Variants in ZNF7 observed in about 807,000 individuals in gnomAD.
ZNF7 encodes zinc finger protein 7.
In ZNF7, 10 loss-of-function variants were observed where a neutral mutation model predicts 12.0. The ratio of observed to expected loss-of-function variants is 0.83; its 90% CI spans 0.51 to 1.42. The LOEUF is 1.42. ZNF7 is among the 40% of genes most tolerant of loss of function. ZNF7 has a pLI of 0.00. For synonymous variants in ZNF7, 334 were observed against 295.0 expected (o/e 1.13, Z -1.35); for missense variants, 854 against 837.2 (o/e 1.02, Z -0.25).
downstream of ZNF7, chr8:144,846,035 G>A (rs1830495556): frequency 2.0e-6 from 3 of 1,536,536 alleles, no homozygotes; most frequent in Non-Finnish European, 2.6e-6. Flanking sequence ...TGCACCGCCT[G>A]CAACTCCTGT....
rs746333753 is a variant in ZNF7, at chr8:144,842,841, G to A, written c.1734G>A (p.Val578=). 12 of 1,614,106 alleles carry A rather than the reference G, an allele frequency of 7.4e-6. No homozygotes were observed. The African/African-American group carries it at 8.0e-5, about 11-fold the overall frequency. ...LFQHQIIHAG[V]KPYECSECGK... is the part of the protein sequence containing the mutation. ...AACACCAGATAATTCATGCAGGGGT[G>A]AAGCCCTATGAGTGCAGTGAGTGTG... Residue 578 remains valine (V), a synonymous_variant, in exon 5 of 5, where the codon GTG becomes GTA. Coordinates refer to ENST00000532777, the MANE Select transcript of ZNF7 (RefSeq NM_003416.4).
At chr8:144,844,894 G>A (rs975882512), downstream of ZNF7, among the ~76,000 whole-genome samples, 1 of 151,670 alleles carries the variant, frequency 6.6e-6, no homozygotes, top group Admixed American at 6.6e-5. Flanking sequence ...GGTGGAGAGG[G>A]AGTGGGGAAA....
downstream of ZNF7, among the ~76,000 whole-genome samples, chr8:144,843,975 C>T (rs916352573): frequency 6.6e-6 from 1 of 152,178 alleles, no homozygotes; most frequent in Non-Finnish European, 1.5e-5. Context: ...TCCCCTTCCT[C>T]AGAGAGGCAG....
intron 3 of ZNF7, among the ~76,000 whole-genome samples, chr8:144,830,409 T>G (rs1828305039): frequency 6.6e-6 from 1 of 152,218 alleles, no homozygotes; most frequent in Non-Finnish European, 1.5e-5. Context: ...CTGCTGAGCT[T>G]GAGCCTATTT....
intron 3 of ZNF7, chr8:144,830,876 G>T (rs1319288573): frequency 2.2e-6 from 1 of 456,828 alleles, no homozygotes; most frequent in African/African-American, 2.0e-5. Flanking sequence ...TGGGATTACA[G>T]GTGTGAGCCA....
At chr8:144,829,363 C>T in intron 2 of ZNF7, 115 bp from the exon 3 acceptor site, 1 of 1,563,450 alleles carries the variant, frequency 6.4e-7, no homozygotes, top group South Asian at 1.2e-5. Context: ...CAGAGGAGTC[C>T]TGGTGAGCGT....
intron 3 of ZNF7, 183 bp downstream of exon 3, chr8:144,829,787 G>A: frequency 1.5e-6 from 1 of 675,844 alleles, no homozygotes; most frequent in Non-Finnish European, 2.2e-6. Context: ...ATGGGGTTCA[G>A]CCCCCAGGGA....
At chr8:144,845,328 C>T (rs1830452003), downstream of ZNF7, among the ~76,000 whole-genome samples, 1 of 152,002 alleles carries the variant, frequency 6.6e-6, no homozygotes, top group African/African-American at 2.4e-5. Context: ...CTGAGAAACT[C>T]GGAGGTGAGG....
At chr8:144,829,843 C>G in intron 3 of ZNF7, 1 of 389,118 alleles carries the variant, frequency 2.6e-6, no homozygotes. Flanking sequence ...TTTTCCTAAG[C>G]TGTTAAATTG....
intron 3 of ZNF7, chr8:144,829,848 A>C (rs1164052799): frequency 2.7e-6 from 1 of 369,920 alleles, no homozygotes; most frequent in Non-Finnish European, 4.8e-6. Context: ...CTAAGCTGTT[A>C]AATTGTGAGA....
In ZNF7 at chr8:144,841,381, C is replaced by A. The variant is rs748927331; in HGVS notation, c.274C>A (p.Gln92Lys). Residue 92 changes from glutamine (Q) to lysine (K), a missense_variant, in exon 5 of 5, where the codon CAG becomes AAG. Gln to Lys is a moderately conservative substitution (Grantham distance 53). Transcript: ENST00000532777. The stretch of plus-strand genomic sequence containing the variant: ...TTCTACGATTAGGACTGAAAATGAG[C>A]AGGCCTGTGAGGACATGGACATCCT... ...TDSTIRTENE[Q>K]ACEDMDILKS... 1.9e-6 allele frequency: 3 copies of A among 1,607,226 alleles called. No homozygotes were observed. The highest frequency in any genetic ancestry group is 2.6e-6 in the Non-Finnish European group (3 of 1,174,628).
chr8:144,830,687 C>T (rs1422709317), intron 3 of ZNF7, among the ~76,000 whole-genome samples: 1 of 150,686 alleles, frequency 6.6e-6, no homozygotes, highest in Non-Finnish European at 1.5e-5. Context: ...GTGGTTTACC[C>T]TGTCTCACTG....
At chr8:144,838,277 G>C (rs1219377992) in intron 4 of ZNF7, 16 of 600,492 alleles carry the variant, frequency 2.7e-5, no homozygotes, top group Non-Finnish European at 4.5e-5. Context: ...GTGACCTCAT[G>C]GTGACTAATT....
At chr8:144,835,987 T>C (rs1482263974) in intron 3 of ZNF7, 1 of 152,268 alleles carries the variant, frequency 6.6e-6, no homozygotes, top group Non-Finnish European at 1.5e-5. Context: ...CATTCTCAAC[T>C]TCTTGAACTT....
chr8:144,829,676 G>A (rs1828208276), intron 3 of ZNF7, 72 bp downstream of exon 3: 3 of 1,537,192 alleles, frequency 2.0e-6, no homozygotes, highest in South Asian at 1.2e-5. Flanking sequence ...CTCCATCAGA[G>A]GCTGGGGTAT....
rs561933525 is a variant in ZNF7, at chr8:144,832,089, T to C, written c.130+2485T>C. On this transcript the variant is annotated intron_variant, in intron 3 of 4. Transcript: ENST00000532777. ...AGATTTTAATGTAATTACTGTGTTT[T>C]TGCCTTATGGATTGTCTCTTTGAAG... Among the ~76,000 whole-genome samples the C allele has an allele frequency of 2.6e-4, 27 of 102,390 alleles. 6 individuals carry two copies. The highest frequency in any genetic ancestry group is 6.8e-4 in the African/African-American group (24 of 35,064). The allele number at this position is 102,390 out of a possible 152,430, so 67.2% of individuals were successfully genotyped here.
Position 144,842,772 on chromosome 8 carries a change from T to C in ZNF7, c.1665T>C (p.Cys555=), listed in dbSNP as rs752923585. 2 of 1,614,194 alleles carry C rather than the reference T, an allele frequency of 1.2e-6. No individual in the cohort carries two copies. The highest frequency in any genetic ancestry group is 1.1e-5 in the South Asian group (1 of 91,084). The change falls in exon 5 of 5, where the codon TGT becomes TGC. Residue 555 remains cysteine (C), a synonymous_variant. Coordinates refer to ENST00000532777, the MANE Select transcript of ZNF7 (RefSeq NM_003416.4). The part of the protein sequence containing the change: ...RVHTGERPYK[C]NECGKAFSQN... ...ACACTGGAGAGAGGCCCTATAAATG[T>C]AATGAATGTGGGAAAGCCTTCAGTC...
chr8:144,844,720 A>C (rs1340888882), downstream of ZNF7, among the ~76,000 whole-genome samples: 5 of 56,940 alleles, frequency 8.8e-5, no homozygotes, highest in Admixed American at 8.1e-4. Context: ...AAAAAAAAAA[A>C]AAAAAAAAAA....
intron 1 of ZNF7, among the ~76,000 whole-genome samples, chr8:144,828,358 T>C (rs1472505667): frequency 6.6e-6 from 1 of 152,184 alleles, no homozygotes; most frequent in East Asian, 1.9e-4. Flanking sequence ...TTTATGTACT[T>C]GAGGGCAGGG....
Sources: allele counts gnomAD v4.1 joint callset (sites outside exome capture counted in the v4.1 genomes callset), GRCh38; gene constraint gnomAD v4.1.1; transcripts MANE v1.5; gene names NCBI Gene and HGNC (gene_info 2026-07-23, HGNC 2026-07-21).